The following CIAO2A variants were observed in gnomAD, a reference collection of about 807,000 sequenced individuals.
The protein encoded by CIAO2A is cytosolic iron-sulfur assembly component 2A.
In CIAO2A, 17 loss-of-function variants were observed where a neutral mutation model predicts 22.4. That is an observed-to-expected ratio of 0.76 (90% CI 0.52 to 1.14). The LOEUF is 1.14. Ranked by LOEUF, CIAO2A falls within the 50% of genes most tolerant of loss-of-function variation. The pLI is 0.00. For synonymous variants in CIAO2A, 74 were observed against 72.3 expected (o/e 1.02, Z -0.12); for missense variants, 192 against 191.4 (o/e 1.00, Z -0.02).
chr15:64,089,511 C>CAA (rs35882853), intron 1 of CIAO2A, among the ~76,000 whole-genome samples: 7 of 119,528 alleles, frequency 5.9e-5, no homozygotes, highest in Admixed American at 8.3e-5. Flanking sequence ...GACCCTGTCT[C>CAA]AAAAAAAAAA....
chr15:64,079,052 AAAAG>A (rs1263910321), intron 3 of CIAO2A, among the ~76,000 whole-genome samples: 1 of 151,808 alleles, frequency 6.6e-6, no homozygotes, highest in Non-Finnish European at 1.5e-5. Flanking sequence ...AAAAAAAACA[AAAAG>A]AAAGAGCCAC....
At position 64,093,534 on chromosome 15, in the gene CIAO2A, C is replaced by CA. The variant is rs879688998; in HGVS notation, c.124+110dup. 2,088 of 1,240,742 alleles carry CA rather than the reference C, an allele frequency of 1.7e-3. 2 individuals carry two copies. The highest frequency in any genetic ancestry group is 7.6e-3 in the African/African-American group (493 of 64,794). 76.9% of individuals were successfully genotyped at this position (1,240,742 alleles called of 1,614,324 possible). On this transcript the variant is annotated intron_variant, in intron 1 of 4. Coordinates refer to ENST00000300030, the MANE Select transcript of CIAO2A (RefSeq NM_032231.7). Reference sequence around the variant, plus strand: ...GGCCAAAAACAAACAAACAAACAAACAAAAAAAAAGGTCTCCCCTCCCAGC... The same window carrying CA: ...GGCCAAAAACAAACAAACAAACAAACAAAAAAAAAAGGTCTCCCCTCCCAGC...
chr15:64,074,424 A>T (rs2080700720), intron 4 of CIAO2A: 1 of 152,244 alleles, frequency 6.6e-6, no homozygotes, highest in South Asian at 2.1e-4. Flanking sequence ...AACAAGACTC[A>T]TAAGACTTAA....
intron 2 of CIAO2A, among the ~76,000 whole-genome samples, chr15:64,084,762 TC>T (rs2080781002): frequency 6.7e-6 from 1 of 150,308 alleles, no homozygotes; most frequent in Admixed American, 6.7e-5. Flanking sequence ...AGAGTGAAAC[TC>T]CGTCTCAAAA....
At chr15:64,078,177 AAC>A (rs1382375574) in intron 3 of CIAO2A, among the ~76,000 whole-genome samples, 6 of 152,232 alleles carry the variant, frequency 3.9e-5, no homozygotes, top group Non-Finnish European at 7.3e-5. Context: ...TTGTAATTAA[AAC>A]AGTTAAAAAT....
chr15:64,073,430 AT>A (rs1233956076), intron 4 of CIAO2A, among the ~76,000 whole-genome samples: 1 of 152,246 alleles, frequency 6.6e-6, no homozygotes, highest in Non-Finnish European at 1.5e-5. Flanking sequence ...CTTTAAACAT[AT>A]AGCCTTCTTT....
intron 2 of CIAO2A, among the ~76,000 whole-genome samples, chr15:64,081,896 A>C (rs1332435376): frequency 6.6e-6 from 1 of 152,140 alleles, no homozygotes; most frequent in Non-Finnish European, 1.5e-5. Context: ...AAAAAATAAA[A>C]CAAGTCAAAG....
intron 2 of CIAO2A, among the ~76,000 whole-genome samples, chr15:64,082,400 G>A (rs1371998936): frequency 5.9e-5 from 9 of 151,886 alleles, no homozygotes; most frequent in African/African-American, 2.2e-4. Context: ...ACTAATTTTT[G>A]TATTTTTAGT....
rs1262092239 is a variant in CIAO2A, at chr15:64,093,710, C to T, written c.59G>A (p.Gly20Asp). 6.2e-7 allele frequency: 1 copy of T among 1,613,922 alleles called. No homozygotes were observed. The highest frequency in any genetic ancestry group is 8.5e-7 in the Non-Finnish European group (1 of 1,179,954). ...WTLSRVLWLSGLSEPGAARQP... is the reference protein window; with the variant it reads ...WTLSRVLWLSDLSEPGAARQP... ...CCGGGCAGCTCCCGGCTCAGAGAGG[C>T]CGGAGAGCCACAGGACTCTGCTCAG... The change falls in exon 1 of 5, where the codon GGC (glycine) becomes GAC (aspartate). Residue 20 changes from glycine to aspartate, a missense_variant. By Grantham distance (94) the Gly-to-Asp change is moderately conservative. Coordinates refer to ENST00000300030, the MANE Select transcript of CIAO2A (RefSeq NM_032231.7).
intron 2 of CIAO2A, among the ~76,000 whole-genome samples, chr15:64,084,743 T>C (rs901572596): frequency 6.6e-6 from 1 of 152,060 alleles, no homozygotes; most frequent in Non-Finnish European, 1.5e-5. Context: ...CACTCCAGCC[T>C]GGGCAACAAG....
chr15:64,088,868 G>T lies in CIAO2A; in HGVS notation c.125-17C>A, dbSNP rs762923165. ...TAATCAAATCTAAAGAATCATCAGAGATAAGATATTCTATTAAAACATGAC... is the reference window on the plus strand; with the variant it reads ...TAATCAAATCTAAAGAATCATCAGATATAAGATATTCTATTAAAACATGAC... On this transcript the variant is annotated splice_polypyrimidine_tract_variant and intron_variant, in intron 1 of 4. Transcript: ENST00000300030. The T allele has an allele frequency of 6.3e-7, 1 of 1,595,258 alleles. No individual in the cohort carries two copies. The highest frequency in any genetic ancestry group is 1.8e-5 in the Admixed American group (1 of 54,980).
At position 64,075,538 on chromosome 15, in the gene CIAO2A, C is replaced by A. The variant is rs770517666; in HGVS notation, c.340-1G>T. The A allele has an allele frequency of 1.9e-6, 3 of 1,574,870 alleles. No homozygotes were observed. The highest frequency in any genetic ancestry group is 1.7e-4 in the Middle Eastern group (1 of 5,730). The stretch of plus-strand genomic sequence containing the variant: ...TTCCTTCAGAAATGTAGATTTCCAA[C>A]TGGAAAGTGGGAAAAAAAGTAAAAG... On this transcript the variant is annotated splice_acceptor_variant, in intron 3 of 4. Transcript: ENST00000300030. LOFTEE classifies it high-confidence loss of function.
At chr15:64,089,058 C>T (rs1392158658) in intron 1 of CIAO2A, among the ~76,000 whole-genome samples, 3 of 152,160 alleles carry the variant, frequency 2.0e-5, no homozygotes, top group Non-Finnish European at 4.4e-5. Context: ...TATCCAGTTT[C>T]TCCAATCGGA....
intron 4 of CIAO2A, among the ~76,000 whole-genome samples, chr15:64,073,613 A>C (rs1420417648): frequency 6.6e-6 from 1 of 152,070 alleles, no homozygotes; most frequent in Non-Finnish European, 1.5e-5. Context: ...TGTTATTATT[A>C]TTCTTTGAGA....
chr15:64,093,529 AC>A, intron 1 of CIAO2A, 115 bp downstream of exon 1: 2 of 1,263,698 alleles, frequency 1.6e-6, no homozygotes, highest in African/African-American at 3.0e-5. Flanking sequence ...AAACAAACAA[AC>A]AAACAAAAAA....
intron 2 of CIAO2A, among the ~76,000 whole-genome samples, chr15:64,081,703 ATT>A (rs2080760600): frequency 1.3e-5 from 2 of 151,730 alleles, no homozygotes; most frequent in African/African-American, 2.4e-5. Context: ...CACCCAGTTA[ATT>A]TTTATATATT....
In CIAO2A at chr15:64,072,635, T is replaced by G. The variant is rs1027580065; in HGVS notation, c.*296A>C. On this transcript the variant is annotated 3_prime_UTR_variant, in exon 5 of 5. Transcript: ENST00000300030. ...GAGTACATTTGGGCACAGTAGATAT[T>G]TGACACGAAAAATAGTTGTATCAGA... 3 of 235,800 alleles carry G rather than the reference T, an allele frequency of 1.3e-5. No homozygotes were observed. The highest frequency in any genetic ancestry group is 1.6e-5 in the Non-Finnish European group (2 of 122,304). 14.6% of individuals were successfully genotyped at this position (235,800 alleles called of 1,614,324 possible).
intron 2 of CIAO2A, among the ~76,000 whole-genome samples, chr15:64,087,028 C>A (rs1483344034): frequency 6.6e-6 from 1 of 150,886 alleles, no homozygotes; most frequent in Non-Finnish European, 1.5e-5. Flanking sequence ...TCTCCTGCCT[C>A]AGCCTCTCAA....
At chr15:64,078,634 G>A (rs1330935274) in intron 3 of CIAO2A, among the ~76,000 whole-genome samples, 4 of 26,282 alleles carry the variant, frequency 1.5e-4, no homozygotes, top group Non-Finnish European at 3.2e-4. Flanking sequence ...AGATTCCATC[G>A]CAAACAAAAA....
Sources: allele counts gnomAD v4.1 joint callset (sites outside exome capture counted in the v4.1 genomes callset), GRCh38; gene constraint gnomAD v4.1.1; transcripts MANE v1.5; gene names NCBI Gene and HGNC (gene_info 2026-07-23, HGNC 2026-07-21).